RNF13: variants seen among roughly 807,000 people sequenced by gnomAD.
RNF13 encodes E3 ubiquitin-protein ligase RNF13.
RNF13 carries 19 observed loss-of-function variants against 37.7 expected under a neutral mutation model. The observed-to-expected ratio is 0.50, with a 90% confidence interval of 0.35 to 0.74. The LOEUF is 0.74. RNF13 is among the 30% of genes least tolerant of loss of function. The pLI is 0.01. For missense variants in RNF13, 375 were observed against 453.0 expected (o/e 0.83, Z 1.56); for synonymous variants, 144 against 157.8 (o/e 0.91, Z 0.65).
chr3:149,943,034 C>T (rs1720420841), intron 8 of RNF13, among the ~76,000 whole-genome samples: 2 of 152,026 alleles, frequency 1.3e-5, no homozygotes, highest in African/African-American at 4.8e-5. Context: ...GAATAAGTCC[C>T]ACTGGTCATG....
At chr3:149,866,728 T>C (rs1362919495) in intron 3 of RNF13, among the ~76,000 whole-genome samples, 1 of 152,224 alleles carries the variant, frequency 6.6e-6, no homozygotes, top group South Asian at 2.1e-4. Flanking sequence ...TATTTTAGTA[T>C]GTAGTAGTTT....
intron 1 of RNF13, among the ~76,000 whole-genome samples, chr3:149,825,354 G>C (rs1055655776): frequency 2.0e-4 from 30 of 152,150 alleles, no homozygotes; most frequent in African/African-American, 7.2e-4. Flanking sequence ...AGTAGAGACA[G>C]GGTTTCACCA....
intron 1 of RNF13, among the ~76,000 whole-genome samples, chr3:149,814,507 A>G (rs1164112079): frequency 1.3e-5 from 2 of 151,978 alleles, no homozygotes; most frequent in Non-Finnish European, 2.9e-5. Context: ...GCTGTAGTGC[A>G]GGGCCCATAA....
At chr3:149,901,559 T>C (rs867056029) in intron 5 of RNF13, among the ~76,000 whole-genome samples, 15 of 152,176 alleles carry the variant, frequency 9.9e-5, no homozygotes, top group Admixed American at 2.6e-4. Flanking sequence ...CCTATTCCCT[T>C]TCTCAACCCC....
At chr3:149,960,229 C>A in intron 9 of RNF13, 93 bp downstream of exon 9, 1 of 851,772 alleles carries the variant, frequency 1.2e-6, no homozygotes, top group South Asian at 1.5e-5. Context: ...TAGTTATTAG[C>A]ACACCAGAAG....
At chr3:149,813,493 A>G (rs1719113662) in intron 1 of RNF13, 140 bp downstream of exon 1, 1 of 152,350 alleles carries the variant, frequency 6.6e-6, no homozygotes, top group African/African-American at 2.4e-5. Flanking sequence ...CTGGGTGAGA[A>G]GTCAATTAGG....
intron 8 of RNF13, among the ~76,000 whole-genome samples, chr3:149,923,091 C>A (rs1011746964): frequency 6.6e-6 from 1 of 151,776 alleles, no homozygotes; most frequent in Non-Finnish European, 1.5e-5. Context: ...TTACCATTAA[C>A]ATTAAAAAAT....
At chr3:149,817,471 G>A (rs958792773) in intron 1 of RNF13, 1 of 152,178 alleles carries the variant, frequency 6.6e-6, no homozygotes, top group African/African-American at 2.4e-5. Flanking sequence ...AACATATGTT[G>A]AATGCTGAAT....
chr3:149,920,280 G>T (rs898257558), intron 7 of RNF13, among the ~76,000 whole-genome samples: 1 of 152,074 alleles, frequency 6.6e-6, no homozygotes, highest in Non-Finnish European at 1.5e-5. Context: ...CTGTTGTGCA[G>T]GCTGGAGTAC....
At chr3:149,918,481 G>T (rs951554831) in intron 7 of RNF13, among the ~76,000 whole-genome samples, 5 of 151,896 alleles carry the variant, frequency 3.3e-5, no homozygotes, top group Non-Finnish European at 7.4e-5. Flanking sequence ...TGATATTCTA[G>T]CTTTTCTTTT....
At chr3:149,843,026 C>G (rs1259679812) in intron 1 of RNF13, among the ~76,000 whole-genome samples, 1 of 152,122 alleles carries the variant, frequency 6.6e-6, no homozygotes, top group Non-Finnish European at 1.5e-5. Context: ...CCCTCCGTAT[C>G]CATGGGTTCT....
intron 8 of RNF13, among the ~76,000 whole-genome samples, chr3:149,950,884 T>C (rs1251482485): frequency 6.6e-6 from 1 of 151,926 alleles, no homozygotes; most frequent in Non-Finnish European, 1.5e-5. Context: ...GGAGCTGGAG[T>C]TGGGTATCTT....
At chr3:149,866,355 G>A (rs1434831871) in intron 3 of RNF13, among the ~76,000 whole-genome samples, 1 of 152,214 alleles carries the variant, frequency 6.6e-6, no homozygotes, top group Non-Finnish European at 1.5e-5. Context: ...CCCCTTTTTA[G>A]ACCATATGGG....
At chr3:149,844,427 A>G (rs540432135) in intron 1 of RNF13, among the ~76,000 whole-genome samples, 138 of 152,328 alleles carry the variant, frequency 9.1e-4, no homozygotes, top group African/African-American at 3.2e-3. Context: ...GAAGCTCATT[A>G]GAGACTCAGT....
chr3:149,859,989 A>G (rs1360608630), intron 3 of RNF13, among the ~76,000 whole-genome samples: 2 of 151,946 alleles, frequency 1.3e-5, no homozygotes, highest in Non-Finnish European at 2.9e-5. Flanking sequence ...CAAGGCAACC[A>G]GGTGTGGTGG....
chr3:149,915,976 G>A (rs896546682), intron 7 of RNF13, among the ~76,000 whole-genome samples: 4 of 152,052 alleles, frequency 2.6e-5, no homozygotes, highest in African/African-American at 9.7e-5. Context: ...CTTAAACGTG[G>A]TTGAGATAGT....
At chr3:149,944,807 T>A (rs979321301) in intron 8 of RNF13, among the ~76,000 whole-genome samples, 73 of 152,304 alleles carry the variant, frequency 4.8e-4, no homozygotes, top group African/African-American at 1.8e-3. Context: ...GAAGCTCTTT[T>A]GTTTAGTTAG....
At chr3:149,931,271 G>T (rs970652592) in intron 8 of RNF13, among the ~76,000 whole-genome samples, 1 of 151,988 alleles carries the variant, frequency 6.6e-6, no homozygotes, top group Non-Finnish European at 1.5e-5. Context: ...GTCTCACTAT[G>T]TTGCCAGGTC....
intron 8 of RNF13, among the ~76,000 whole-genome samples, chr3:149,930,905 C>A (rs1484949411): frequency 6.6e-6 from 1 of 152,154 alleles, no homozygotes; most frequent in South Asian, 2.1e-4. Context: ...ATAGTGATGA[C>A]CACTTTTCTA....
Sources: allele counts gnomAD v4.1 joint callset (sites outside exome capture counted in the v4.1 genomes callset), GRCh38; gene constraint gnomAD v4.1.1; transcripts MANE v1.5; gene names NCBI Gene and HGNC (gene_info 2026-07-23, HGNC 2026-07-21).